The following RALYL variants were observed in gnomAD, a reference collection of about 807,000 sequenced individuals.
The protein encoded by RALYL is RALY RNA binding protein like.
Under a neutral mutation model 35.1 loss-of-function variants are expected in RALYL, and 29 were observed. The observed-to-expected ratio is 0.83, with a 90% CI of 0.61 to 1.13. The LOEUF (loss-of-function observed/expected upper bound fraction) is 1.13, where lower values mean the gene tolerates loss of function less well. RALYL is among the 50% of genes most tolerant of loss of function. RALYL has a pLI of 0.00. For synonymous variants in RALYL, 120 were observed against 127.6 expected (o/e 0.94, Z 0.40); for missense variants, 359 against 360.4 (o/e 1.00, Z 0.03).
intron 1 of RALYL, among the ~76,000 whole-genome samples, chr8:84,260,883 T>C (rs999974000): frequency 1.3e-5 from 2 of 152,186 alleles, no homozygotes; most frequent in Non-Finnish European, 2.9e-5. Flanking sequence ...CAATTTGTGA[T>C]TAATTCTGTT....
intron 2 of RALYL, among the ~76,000 whole-genome samples, chr8:84,736,703 A>C (rs1847374486): frequency 6.6e-6 from 1 of 152,014 alleles, no homozygotes; most frequent in Non-Finnish European, 1.5e-5. Context: ...GATTATTCTG[A>C]ATTTAATGTT....
At chr8:84,804,727 GC>G in intron 3 of RALYL, 42 bp from the exon 4 acceptor site, 1 of 1,043,208 alleles carries the variant, frequency 9.6e-7, no homozygotes. Context: ...TGAATATACA[GC>G]AAATTTTTAT....
At chr8:84,547,505 G>A (rs1346797962) in intron 2 of RALYL, among the ~76,000 whole-genome samples, 2 of 151,846 alleles carry the variant, frequency 1.3e-5, no homozygotes, top group Middle Eastern at 3.4e-3. Flanking sequence ...TCAGCCTCCC[G>A]AGGAGCTGGG....
intron 8 of RALYL, among the ~76,000 whole-genome samples, chr8:84,912,838 G>C (rs529305538): frequency 1.3e-5 from 2 of 152,162 alleles, no homozygotes; most frequent in Non-Finnish European, 2.9e-5. Context: ...ATATGTGATT[G>C]TGTGCTGGAT....
intron 2 of RALYL, among the ~76,000 whole-genome samples, chr8:84,648,022 T>C (rs972149339): frequency 1.3e-5 from 2 of 152,112 alleles, no homozygotes; most frequent in Admixed American, 6.6e-5. Context: ...TGCATAGCTG[T>C]CTTTTCAATG....
chr8:84,920,619 C>A (rs3937521), intron 8 of RALYL, among the ~76,000 whole-genome samples: 45,207 of 151,808 alleles, frequency 0.3, 7,235 homozygotes, highest in East Asian at 0.61. Context: ...TTGACTTGGA[C>A]AAGAGCTCAG....
intron 1 of RALYL, among the ~76,000 whole-genome samples, chr8:84,248,368 T>G (rs1829537073): frequency 6.6e-6 from 1 of 152,110 alleles, no homozygotes; most frequent in Non-Finnish European, 1.5e-5. Context: ...AATAATCTCC[T>G]GATAGGCAAA....
At chr8:84,633,145 TA>T in intron 2 of RALYL, among the ~76,000 whole-genome samples, 1 of 151,798 alleles carries the variant, frequency 6.6e-6, no homozygotes, top group East Asian at 1.9e-4. Flanking sequence ...GCATGCAGTT[TA>T]TTAAAATGTT....
chr8:84,801,461 GT>G (rs992020625), intron 3 of RALYL, among the ~76,000 whole-genome samples: 44 of 152,062 alleles, frequency 2.9e-4, no homozygotes, highest in Non-Finnish European at 4.4e-4. Context: ...TCTAAGTTCA[GT>G]TTTTTTTAAT....
At chr8:84,777,918 G>T (rs1427423960) in intron 3 of RALYL, among the ~76,000 whole-genome samples, 1 of 152,184 alleles carries the variant, frequency 6.6e-6, no homozygotes, top group Non-Finnish European at 1.5e-5. Flanking sequence ...TGGGATTACA[G>T]GCGTGAGCCA....
chr8:84,612,453 C>A (rs886604771), intron 2 of RALYL, among the ~76,000 whole-genome samples: 9 of 151,794 alleles, frequency 5.9e-5, no homozygotes, highest in African/African-American at 1.9e-4. Flanking sequence ...TGGCATATAC[C>A]GTATTTATCT....
chr8:84,477,191 T>C, intron 1 of RALYL, among the ~76,000 whole-genome samples: 1 of 152,116 alleles, frequency 6.6e-6, no homozygotes, highest in Non-Finnish European at 1.5e-5. Flanking sequence ...TTAGCTGTAT[T>C]CATCATTTTG....
At chr8:84,536,922 C>T (rs2059650000) in intron 2 of RALYL, among the ~76,000 whole-genome samples, 1 of 152,000 alleles carries the variant, frequency 6.6e-6, no homozygotes, top group Non-Finnish European at 1.5e-5. Flanking sequence ...TCTTAACAAC[C>T]TTTGAAACTA....
intron 8 of RALYL, among the ~76,000 whole-genome samples, chr8:84,919,470 C>T (rs994538240): frequency 2.0e-5 from 3 of 152,004 alleles, no homozygotes; most frequent in Admixed American, 6.6e-5. Context: ...ATAATAAGTT[C>T]GAACCTTTGT....
chr8:84,470,337 C>T (rs922377450), intron 1 of RALYL, among the ~76,000 whole-genome samples: 2 of 151,980 alleles, frequency 1.3e-5, no homozygotes, highest in Non-Finnish European at 2.9e-5. Flanking sequence ...ACTGAATTCC[C>T]AAGGGCATGT....
At position 84,500,229 on chromosome 8, in the gene RALYL, G is replaced by A. The variant is rs1255944311; in HGVS notation, c.-23-29070G>A. 3.3e-5 allele frequency among the ~76,000 whole-genome samples: 5 copies of A among 152,038 alleles called. No homozygotes were observed. The East Asian group carries it at 9.6e-4, about 29-fold the overall frequency. On this transcript the variant is annotated intron_variant, in intron 1 of 8. Coordinates refer to ENST00000521268, the MANE Select transcript of RALYL (RefSeq NM_173848.7). ...CTGCTTTTCAGTGTCTTTGAGAGTG[G>A]CGGTGTTTATTTTGCAACCTTTTTC...
chr8:84,559,657 A>C (rs1362267463), intron 2 of RALYL, among the ~76,000 whole-genome samples: 1 of 152,134 alleles, frequency 6.6e-6, no homozygotes, highest in Non-Finnish European at 1.5e-5. Context: ...ATTACTAATT[A>C]AAGAGTAAGC....
At chr8:84,214,299 G>A (rs1820259614) in intron 1 of RALYL, among the ~76,000 whole-genome samples, 1 of 152,068 alleles carries the variant, frequency 6.6e-6, no homozygotes, top group South Asian at 2.1e-4. Flanking sequence ...AAATAGAATT[G>A]TGGATTTTCT....
At chr8:84,300,408 T>A (rs976931129) in intron 1 of RALYL, among the ~76,000 whole-genome samples, 1 of 152,018 alleles carries the variant, frequency 6.6e-6, no homozygotes, top group Non-Finnish European at 1.5e-5. Context: ...TAGGAATGTA[T>A]ATTTTGTTGT....
Sources: gnomAD v4.1 joint callset for allele counts (sites outside exome capture counted in the v4.1 genomes callset) on GRCh38, gnomAD v4.1.1 for gene constraint, MANE v1.5 for transcripts, NCBI Gene and HGNC (gene_info 2026-07-23, HGNC 2026-07-21) for gene names.